IGSF21: variants seen among roughly 807,000 people sequenced by gnomAD.
IGSF21 encodes the protein immunoglobin superfamily member 21, also known as immunoglobulin superfamily member 21.
In IGSF21, 28 loss-of-function variants were observed where a neutral mutation model predicts 46.8. The ratio of observed to expected loss-of-function variants is 0.60; its 90% CI spans 0.44 to 0.82. The LOEUF (loss-of-function observed/expected upper bound fraction) is 0.82. IGSF21 is among the 40% of genes least tolerant of loss of function. IGSF21 has a pLI of 0.00. For missense variants in IGSF21, 624 were observed against 665.5 expected, an observed-to-expected ratio of 0.94 and a Z score of 0.69; for synonymous variants, 284 against 273.6, an observed-to-expected ratio of 1.04 and a Z score of -0.38.
At chr1:18,225,337 G>A (rs1427070412) in intron 1 of IGSF21, among the ~76,000 whole-genome samples, 5 of 151,640 alleles carry the variant, frequency 3.3e-5, no homozygotes, top group Admixed American at 2.0e-4. Context: ...CATCTGCTGC[G>A]CCTGCCAGTG....
chr1:18,154,380 C>CA (rs1426283499), intron 1 of IGSF21, among the ~76,000 whole-genome samples: 1 of 152,078 alleles, frequency 6.6e-6, no homozygotes, highest in Non-Finnish European at 1.5e-5. Flanking sequence ...AAAACTTCCC[C>CA]ATTCAAAGCT....
chr1:18,257,157 C>G (rs1033838749), intron 2 of IGSF21, among the ~76,000 whole-genome samples: 1 of 152,200 alleles, frequency 6.6e-6, no homozygotes, highest in African/African-American at 2.4e-5. Context: ...TTCTGAACAG[C>G]ATTGAAAGTG....
intron 4 of IGSF21, among the ~76,000 whole-genome samples, chr1:18,359,767 C>T (rs978278771): frequency 2.6e-5 from 4 of 152,240 alleles, no homozygotes; most frequent in Admixed American, 2.6e-4. Flanking sequence ...AGCATCAGTT[C>T]CTGATGGAAT....
intron 1 of IGSF21, among the ~76,000 whole-genome samples, chr1:18,142,244 A>C (rs2086421500): frequency 6.6e-6 from 1 of 152,134 alleles, no homozygotes; most frequent in South Asian, 2.1e-4. Flanking sequence ...CTACTCTATG[A>C]CTAGCACCTA....
chr1:18,254,448 G>C (rs1455527761), intron 2 of IGSF21, among the ~76,000 whole-genome samples: 2 of 145,082 alleles, frequency 1.4e-5, no homozygotes, highest in African/African-American at 5.6e-5. Context: ...CCTAACCCTA[G>C]AGTTAGATTC....
In IGSF21 at chr1:18,164,674, G is replaced by A. The variant is rs547551500; in HGVS notation, c.70+56476G>A. Among the ~76,000 whole-genome samples, 13 of 151,664 alleles carry A rather than the reference G, an allele frequency of 8.6e-5. No individual in the cohort carries two copies. The East Asian group carries it at 1.4e-3, about 16-fold the overall frequency. On this transcript the variant is annotated intron_variant, in intron 1 of 9. Transcript: ENST00000251296. ...ATGGGCAATTTGTATTTCTTTCTTCGCGATTATCTTTCATACTTTTTGCCC... is the reference window on the plus strand; with the variant it reads ...ATGGGCAATTTGTATTTCTTTCTTCACGATTATCTTTCATACTTTTTGCCC...
At chr1:18,283,794 G>A (rs764799001) in intron 2 of IGSF21, among the ~76,000 whole-genome samples, 13 of 152,060 alleles carry the variant, frequency 8.5e-5, no homozygotes, top group Admixed American at 7.2e-4. Context: ...TCAGACCCAT[G>A]TTCAAAGCTC....
chr1:18,321,508 A>G (rs2085600902), intron 3 of IGSF21, among the ~76,000 whole-genome samples: 1 of 152,198 alleles, frequency 6.6e-6, no homozygotes, highest in Non-Finnish European at 1.5e-5. Flanking sequence ...TGGTTTATGA[A>G]CAATAGACAT....
At chr1:18,375,574 C>G (rs552760877) in intron 6 of IGSF21, among the ~76,000 whole-genome samples, 1 of 152,126 alleles carries the variant, frequency 6.6e-6, no homozygotes, top group Non-Finnish European at 1.5e-5. Flanking sequence ...AGAGGTGATA[C>G]AAGAAAGTGA....
At chr1:18,317,356 G>A (rs1031103826) in intron 3 of IGSF21, among the ~76,000 whole-genome samples, 16 of 152,184 alleles carry the variant, frequency 1.1e-4, no homozygotes, top group Non-Finnish European at 1.9e-4. Context: ...ACATTGCACA[G>A]AGAGGTTAAG....
intron 1 of IGSF21, among the ~76,000 whole-genome samples, chr1:18,129,140 C>A (rs985375978): frequency 1.3e-5 from 2 of 152,116 alleles, no homozygotes; most frequent in African/African-American, 4.8e-5. Context: ...GAGGGAGATA[C>A]GTTTTAATCT....
At chr1:18,268,725 A>T (rs2085013989) in intron 2 of IGSF21, among the ~76,000 whole-genome samples, 1 of 152,174 alleles carries the variant, frequency 6.6e-6, no homozygotes, top group Non-Finnish European at 1.5e-5. Flanking sequence ...AAACAGATAG[A>T]AGGGCGGGAG....
chr1:18,165,193 G>A (rs571994845), intron 1 of IGSF21, among the ~76,000 whole-genome samples: 1 of 152,206 alleles, frequency 6.6e-6, no homozygotes, highest in South Asian at 2.1e-4. Context: ...GGCTAGGGCT[G>A]CCATAGCAAA....
At position 18,136,873 on chromosome 1, in the gene IGSF21, T is replaced by C. The variant is rs1217677039; in HGVS notation, c.70+28675T>C. On this transcript the variant is annotated intron_variant, in intron 1 of 9. Coordinates refer to ENST00000251296, the MANE Select transcript of IGSF21 (RefSeq NM_032880.5). The stretch of plus-strand genomic sequence containing the variant: ...AGTATGGCCATTTTCACGATATTGA[T>C]TTTTCCTACCCATGAGCATGGAATG... 5.9e-5 allele frequency among the ~76,000 whole-genome samples: 9 copies of C among 152,334 alleles called. No individual in the cohort carries two copies. In the East Asian group the frequency reaches 1.7e-3, roughly 29 times the overall value.
At chr1:18,278,531 TTTTG>T (rs201958803) in intron 2 of IGSF21, among the ~76,000 whole-genome samples, 8,153 of 140,832 alleles carry the variant, frequency 0.058, 325 homozygotes, top group African/African-American at 0.11. Flanking sequence ...GTAAGGTTTT[TTTTG>T]TTTGTTTGTT....
chr1:18,310,792 A>G (rs771080995), intron 3 of IGSF21, among the ~76,000 whole-genome samples: 5 of 152,192 alleles, frequency 3.3e-5, no homozygotes, highest in Non-Finnish European at 7.3e-5. Flanking sequence ...GAAAGCTCCA[A>G]GGAAAAGTCA....
rs150089053 is a variant in IGSF21, at chr1:18,176,522, A to G, written c.71-51376A>G. Among the ~76,000 whole-genome samples, 509 of 152,278 alleles carry G rather than the reference A, an allele frequency of 3.3e-3. 3 individuals carry two copies. The highest frequency in any genetic ancestry group is 6.3e-3 in the Non-Finnish European group (427 of 68,016). On this transcript the variant is annotated intron_variant, in intron 1 of 9. Transcript: ENST00000251296. Reference sequence around the variant, plus strand: ...ACTGTTGTCGAGATTAAAGGATACAATCTAATAAGTAGGGCATCTCTTGGC... The same window carrying G: ...ACTGTTGTCGAGATTAAAGGATACAGTCTAATAAGTAGGGCATCTCTTGGC...
chr1:18,108,214 C>T lies in IGSF21; in HGVS notation c.70+16C>T. Reference sequence around the variant, plus strand: ...CTGGCGCGCGGTGAGTGCGCGGGCGCCTGGCGGGAGCCGAGCGGTGAACGT... The same window carrying T: ...CTGGCGCGCGGTGAGTGCGCGGGCGTCTGGCGGGAGCCGAGCGGTGAACGT... On this transcript the variant is annotated intron_variant, in intron 1 of 9. Transcript: ENST00000251296. 1 of 1,374,680 alleles carries T rather than the reference C, an allele frequency of 7.3e-7. No individual in the cohort carries two copies. Among genetic ancestry groups the T allele is most frequent in the South Asian group, 1.7e-5 (1 of 59,718 alleles). 85.2% of individuals were successfully genotyped at this position (1,374,680 alleles called of 1,614,324 possible).
intron 3 of IGSF21, among the ~76,000 whole-genome samples, chr1:18,332,236 A>G (rs977882227): frequency 1.3e-5 from 2 of 152,218 alleles, no homozygotes; most frequent in African/African-American, 2.4e-5. Context: ...GGTTACCTGC[A>G]CGTATCTGCC....
Sources: gnomAD v4.1 joint callset for allele counts (sites outside exome capture counted in the v4.1 genomes callset) on GRCh38, gnomAD v4.1.1 for gene constraint, MANE v1.5 for transcripts, NCBI Gene and HGNC (gene_info 2026-07-23, HGNC 2026-07-21) for gene names.